NUP35: variants seen among roughly 807,000 people sequenced by gnomAD.
The protein encoded by NUP35 is nucleoporin NUP35.
A neutral mutation model predicts 41.5 loss-of-function variants in NUP35; 25 were observed. The ratio of observed to expected loss-of-function variants is 0.60; its 90% CI spans 0.44 to 0.84. The LOEUF is 0.84. Among genes scored for constraint, NUP35 ranks in the 40% least tolerant of loss-of-function variants. The probability of loss-of-function intolerance (pLI) is 0.00; values close to 1 mark genes in which losing one functional copy is unlikely to be tolerated. For synonymous variants in NUP35, 149 were observed against 130.7 expected, an observed-to-expected ratio of 1.14 and a Z score of -0.96; for missense variants, 396 against 396.6, an observed-to-expected ratio of 1.00 and a Z score of 0.01.
Position 183,160,876 on chromosome 2 carries a change from A to G in NUP35, c.904-178A>G. 1.3e-5 allele frequency: 6 copies of G among 448,008 alleles called. No homozygotes were observed. In the South Asian group the frequency reaches 1.5e-4, roughly 12 times the overall value. 27.8% of individuals were successfully genotyped at this position (448,008 alleles called of 1,614,324 possible). ...GGCGGGCGGATCACGAGGTCAGGAG[A>G]TCGAGACCATCCTGGCTAACACGGT... On this transcript the variant is annotated intron_variant, in intron 8 of 8. Transcript: ENST00000295119.
chr2:183,125,054 T>C (rs1427309880), intron 1 of NUP35, among the ~76,000 whole-genome samples: 1 of 151,984 alleles, frequency 6.6e-6, no homozygotes, highest in Admixed American at 6.5e-5. Context: ...ACCGTGTGGT[T>C]GGTAATCATT....
At chr2:183,144,507 C>G (rs1685210245) in intron 4 of NUP35, among the ~76,000 whole-genome samples, 1 of 152,144 alleles carries the variant, frequency 6.6e-6, no homozygotes. Context: ...GTCTTTTAAT[C>G]TCTTTTGTTT....
intron 4 of NUP35, among the ~76,000 whole-genome samples, chr2:183,139,084 T>C (rs973021791): frequency 9.9e-5 from 15 of 152,154 alleles, no homozygotes; most frequent in Non-Finnish European, 1.5e-4. Flanking sequence ...ACAAAGGACC[T>C]AACATTAATC....
intron 4 of NUP35, among the ~76,000 whole-genome samples, chr2:183,138,270 T>TATATATATAGATATA (rs1553530933): frequency 3.9e-5 from 1 of 25,332 alleles, no homozygotes; most frequent in African/African-American, 1.3e-4. Context: ...TATATATATA[T>TATATATATAGATATA]TTTTTTTTTT....
chr2:183,137,626 A>G (rs1028508354), intron 4 of NUP35, among the ~76,000 whole-genome samples: 3 of 151,952 alleles, frequency 2.0e-5, no homozygotes, highest in African/African-American at 4.8e-5. Flanking sequence ...AGGGACATTG[A>G]AAATCCAAAA....
At chr2:183,159,851 A>C (rs1407244931) in intron 8 of NUP35, 199 bp downstream of exon 8, 5 of 470,710 alleles carry the variant, frequency 1.1e-5, no homozygotes, top group Non-Finnish European at 1.8e-5. Context: ...TGAATTAAAA[A>C]AAAAAAATTA....
At chr2:183,132,291 G>T (rs1684724010) in intron 3 of NUP35, among the ~76,000 whole-genome samples, 1 of 152,046 alleles carries the variant, frequency 6.6e-6, no homozygotes, top group South Asian at 2.1e-4. Flanking sequence ...AAAAGTGCTG[G>T]GATTACAGGT....
At chr2:183,151,481 A>C (rs770060845) in intron 4 of NUP35, 27 bp from the exon 5 acceptor site, 1 of 1,606,424 alleles carries the variant, frequency 6.2e-7, no homozygotes, top group Admixed American at 1.7e-5. Flanking sequence ...TACACTGGCA[A>C]CTAACTTGCT....
intron 4 of NUP35, among the ~76,000 whole-genome samples, chr2:183,134,817 G>A (rs1369893832): frequency 6.6e-6 from 1 of 151,088 alleles, no homozygotes; most frequent in East Asian, 1.9e-4. Flanking sequence ...GTAGAGATGG[G>A]GTGTCACCGT....
intron 4 of NUP35, among the ~76,000 whole-genome samples, chr2:183,150,154 C>T (rs1237544946): frequency 2.0e-5 from 3 of 152,192 alleles, no homozygotes; most frequent in Admixed American, 2.0e-4. Flanking sequence ...ATCCGCTCGC[C>T]TTGGCCTCCC....
At position 183,157,612 on chromosome 2, in the gene NUP35, T is replaced by C. The variant is rs1357233773; in HGVS notation, c.609+99T>C. The C allele has an allele frequency of 3.5e-6, 3 of 854,652 alleles. No homozygotes were observed. In the African/African-American group the frequency reaches 5.1e-5, roughly 15 times the overall value. 52.9% of individuals were successfully genotyped at this position (854,652 alleles called of 1,614,324 possible). A position where few individuals can be genotyped will look rare whatever the true frequency, so the allele number is the denominator to read the frequency against. ...TGAATTTTGTGGGTTTTTTTTAAACTTAAATTTTTTTTTGAGTTTTGATAT... is the reference window on the plus strand; with the variant it reads ...TGAATTTTGTGGGTTTTTTTTAAACCTAAATTTTTTTTTGAGTTTTGATAT... On this transcript the variant is annotated intron_variant, in intron 6 of 8. Coordinates refer to ENST00000295119, the MANE Select transcript of NUP35 (RefSeq NM_138285.5).
chr2:183,124,359 A>G, upstream of NUP35: 2 of 1,601,162 alleles, frequency 1.2e-6, no homozygotes, highest in Non-Finnish European at 1.7e-6. Context: ...GAAGTTACGC[A>G]ACCCCATAAG....
chr2:183,139,346 A>G (rs956710000), intron 4 of NUP35, among the ~76,000 whole-genome samples: 1 of 151,918 alleles, frequency 6.6e-6, no homozygotes, highest in African/African-American at 2.4e-5. Flanking sequence ...TGCTGGAATT[A>G]TAGGCATGTG....
intron 4 of NUP35, among the ~76,000 whole-genome samples, chr2:183,139,890 G>A (rs942605485): frequency 6.6e-6 from 1 of 152,150 alleles, no homozygotes; most frequent in African/African-American, 2.4e-5. Context: ...CCAGTTTGTG[G>A]TAATTTGTTA....
intron 4 of NUP35, among the ~76,000 whole-genome samples, chr2:183,151,254 G>C (rs546104260): frequency 6.6e-6 from 1 of 152,296 alleles, no homozygotes; most frequent in South Asian, 2.1e-4. Flanking sequence ...AGCTTAACCA[G>C]ACATGCTTAA....
At chr2:183,142,257 T>G (rs1045935747) in intron 4 of NUP35, among the ~76,000 whole-genome samples, 1 of 152,230 alleles carries the variant, frequency 6.6e-6, no homozygotes, top group Non-Finnish European at 1.5e-5. Context: ...CTTATATTTA[T>G]TCTTCAGTTC....
chr2:183,128,080 A>T (rs1684561170), intron 1 of NUP35, among the ~76,000 whole-genome samples: 2 of 152,136 alleles, frequency 1.3e-5, no homozygotes. Flanking sequence ...TCAGAAAAAA[A>T]AAAAAAGTGA....
chr2:183,134,622 CTT>C (rs1311534798), intron 4 of NUP35, among the ~76,000 whole-genome samples: 1 of 143,672 alleles, frequency 7.0e-6, no homozygotes, highest in Non-Finnish European at 1.5e-5. Flanking sequence ...ATCTATTTTT[CTT>C]TTTTTTTTTG....
chr2:183,128,534 C>T (rs923642266), intron 2 of NUP35, 77 bp downstream of exon 2: 3 of 969,882 alleles, frequency 3.1e-6, no homozygotes, highest in Middle Eastern at 3.2e-4. Context: ...CCCTGAACCA[C>T]ATTGGAAGAA....
Sources: gnomAD v4.1 joint callset for allele counts (sites outside exome capture counted in the v4.1 genomes callset) on GRCh38, gnomAD v4.1.1 for gene constraint, MANE v1.5 for transcripts, NCBI Gene and HGNC (gene_info 2026-07-23, HGNC 2026-07-21) for gene names.